The following USP34 variants were observed in gnomAD, a reference collection of about 807,000 sequenced individuals.
USP34 encodes ubiquitin carboxyl-terminal hydrolase 34.
Under a neutral mutation model 460.3 loss-of-function variants are expected in USP34, and 70 were observed. That is an observed-to-expected ratio of 0.15 (90% CI 0.13 to 0.19). The LOEUF (loss-of-function observed/expected upper bound fraction) is 0.19, where lower values mean the gene tolerates loss of function less well. USP34 is among the 10% of genes least tolerant of loss of function. The pLI is 1.00. For missense variants in USP34, 3,985 were observed against 4,236.2 expected (o/e 0.94, Z 1.65); for synonymous variants, 1,647 against 1,405.3 (o/e 1.17, Z -3.85).
intron 69 of USP34, among the ~76,000 whole-genome samples, chr2:61,209,467 G>A (rs1248676552): frequency 6.6e-6 from 1 of 152,192 alleles, no homozygotes; most frequent in Non-Finnish European, 1.5e-5. Context: ...AAACACAATG[G>A]TGGTCCCATA....
Position 61,395,902 on chromosome 2 carries a change from C to T in USP34, c.553-669G>A, listed in dbSNP as rs189203133. On this transcript the variant is annotated intron_variant, in intron 3 of 79. Transcript: ENST00000398571. The stretch of plus-strand genomic sequence containing the variant: ...CCAACATGGTAAAACCTTGTCTCTA[C>T]GAAAAATAAAAAAATTGTCAGTGTG... 3.3e-3 allele frequency among the ~76,000 whole-genome samples: 488 copies of T among 149,572 alleles called. 1 individual carries two copies. The highest frequency in any genetic ancestry group is 5.0e-3 in the Non-Finnish European group (338 of 67,616).
chr2:61,368,228 T>C (rs776014725), intron 10 of USP34, among the ~76,000 whole-genome samples: 30 of 152,280 alleles, frequency 2.0e-4, no homozygotes, highest in Non-Finnish European at 3.7e-4. Flanking sequence ...GGTTAAGAGA[T>C]TGAGACCATC....
At chr2:61,280,449 C>T (rs1689500445) in intron 38 of USP34, 101 bp from the exon 39 acceptor site, 1 of 508,478 alleles carries the variant, frequency 2.0e-6, no homozygotes, top group East Asian at 3.6e-5. Flanking sequence ...TTCCTATATC[C>T]ACTAAACAGT....
chr2:61,412,021 C>A (rs1469272756), intron 2 of USP34, among the ~76,000 whole-genome samples: 1 of 151,788 alleles, frequency 6.6e-6, no homozygotes, highest in East Asian at 1.9e-4. Context: ...GAAACCCCGT[C>A]TCCACTAAAA....
At chr2:61,325,262 A>T in intron 21 of USP34, 113 bp downstream of exon 21, 1 of 667,708 alleles carries the variant, frequency 1.5e-6, no homozygotes, top group South Asian at 2.4e-5. Context: ...ACTGACTCTA[A>T]AATTAAATTA....
chr2:61,317,084 T>TGA (rs1156730928), intron 23 of USP34, among the ~76,000 whole-genome samples: 1 of 152,186 alleles, frequency 6.6e-6, no homozygotes, highest in Non-Finnish European at 1.5e-5. Flanking sequence ...TTTGGCTGTA[T>TGA]TATCTAGGAA....
intron 27 of USP34, among the ~76,000 whole-genome samples, chr2:61,305,736 A>G (rs1442727645): frequency 6.6e-6 from 1 of 152,220 alleles, no homozygotes; most frequent in Non-Finnish European, 1.5e-5. Flanking sequence ...ACTCATAATC[A>G]AAATGCTGAA....
At chr2:61,439,856 G>A (rs547154963) in intron 1 of USP34, among the ~76,000 whole-genome samples, 58 of 152,296 alleles carry the variant, frequency 3.8e-4, no homozygotes, top group African/African-American at 1.3e-3. Context: ...GTGTGGCCCA[G>A]AGAGGTGTCT....
rs561900983 is a variant in USP34 at position 61,271,346 on chromosome 2, T to C, written c.5434-5179A>G. Reference sequence around the variant, plus strand: ...AATGCAATCTGATCTTCTAAATCTCTGATGATATCTCTTTTTAATAACTAT... The same window carrying C: ...AATGCAATCTGATCTTCTAAATCTCCGATGATATCTCTTTTTAATAACTAT... On this transcript the variant is annotated intron_variant, in intron 41 of 79. Coordinates refer to ENST00000398571, the MANE Select transcript of USP34 (RefSeq NM_014709.4). Among the ~76,000 whole-genome samples, 5 of 152,316 alleles carry C rather than the reference T, an allele frequency of 3.3e-5. No homozygotes were observed. The South Asian group carries it at 1.0e-3, about 32-fold the overall frequency.
intron 5 of USP34, 36 bp from the exon 6 acceptor site, chr2:61,383,372 A>G (rs780984791): frequency 7.0e-7 from 1 of 1,429,616 alleles, no homozygotes. Flanking sequence ...TTAATGCCTA[A>G]TATGTGAAAT....
chr2:61,368,569 A>C (rs540627545), intron 10 of USP34, among the ~76,000 whole-genome samples: 1 of 152,328 alleles, frequency 6.6e-6, no homozygotes, highest in African/African-American at 2.4e-5. Flanking sequence ...TAGAAAGTTC[A>C]AAAAATTACC....
chr2:61,339,777 A>G (rs1558537664), intron 16 of USP34, 96 bp from the exon 17 acceptor site: 3 of 556,682 alleles, frequency 5.4e-6, no homozygotes, highest in South Asian at 7.1e-5. Flanking sequence ...AAAGTACACG[A>G]TATTTTTCTC....
intron 1 of USP34, among the ~76,000 whole-genome samples, chr2:61,428,959 AAAT>A (rs376193696): frequency 1.9e-4 from 29 of 152,318 alleles, no homozygotes; most frequent in African/African-American, 6.7e-4. Flanking sequence ...GAGCAAAACA[AAAT>A]AATAACTTTA....
At chr2:61,213,096 G>A (rs1687313818) in intron 68 of USP34, among the ~76,000 whole-genome samples, 3 of 151,994 alleles carry the variant, frequency 2.0e-5, no homozygotes. Flanking sequence ...TCTCAATGCA[G>A]CCTCAACCTC....
intron 21 of USP34, 46 bp downstream of exon 21, chr2:61,325,329 C>T (rs1339835561): frequency 2.3e-6 from 3 of 1,282,718 alleles, no homozygotes; most frequent in Non-Finnish European, 3.2e-6. Flanking sequence ...TTAGTTCTTC[C>T]AATAGTCAAA....
chr2:61,370,181 G>T, intron 10 of USP34, 140 bp downstream of exon 10: 1 of 782,486 alleles, frequency 1.3e-6, no homozygotes, highest in Non-Finnish European at 2.0e-6. Context: ...ACATGGACTC[G>T]GAAGCCAGAT....
intron 69 of USP34, among the ~76,000 whole-genome samples, chr2:61,211,168 T>C (rs1687263978): frequency 6.6e-6 from 1 of 152,058 alleles, no homozygotes; most frequent in Non-Finnish European, 1.5e-5. Context: ...TTCAGTAAAG[T>C]ACCATTAAAA....
intron 61 of USP34, among the ~76,000 whole-genome samples, chr2:61,227,846 G>GC (rs373449424): frequency 1.7e-3 from 263 of 152,016 alleles, no homozygotes; most frequent in African/African-American, 5.3e-3. Flanking sequence ...GATAAAAATT[G>GC]CAAGTATGAT....
intron 10 of USP34, among the ~76,000 whole-genome samples, chr2:61,356,988 T>A (rs1227668957): frequency 2.0e-5 from 3 of 152,066 alleles, no homozygotes; most frequent in African/African-American, 7.2e-5. Flanking sequence ...AATAGAGAAA[T>A]AAAAAGTTCC....
Sources: gnomAD v4.1 joint callset for allele counts (sites outside exome capture counted in the v4.1 genomes callset) on GRCh38, gnomAD v4.1.1 for gene constraint, MANE v1.5 for transcripts, NCBI Gene and HGNC (gene_info 2026-07-23, HGNC 2026-07-21) for gene names.